CTNNA2: variants seen among roughly 807,000 people sequenced by gnomAD.
CTNNA2 encodes catenin alpha-2.
Under a neutral mutation model 101.0 loss-of-function variants are expected in CTNNA2, and 42 were observed. The ratio of observed to expected loss-of-function variants is 0.42; its 90% CI spans 0.32 to 0.54. CTNNA2 has a LOEUF of 0.54. CTNNA2 is among the 20% of genes least tolerant of loss of function. The pLI is 0.14. For missense variants in CTNNA2, 871 were observed against 1,223.1 expected, an observed-to-expected ratio of 0.71 and a Z score of 4.29; for synonymous variants, 450 against 456.4, an observed-to-expected ratio of 0.99 and a Z score of 0.18.
At chr2:80,250,424 A>C (rs1368082197) in intron 7 of CTNNA2, among the ~76,000 whole-genome samples, 2 of 152,204 alleles carry the variant, frequency 1.3e-5, no homozygotes, top group Non-Finnish European at 2.9e-5. Flanking sequence ...GAGTAAACGC[A>C]AAGATAGAAG....
At chr2:80,596,402 C>T (rs556442617) in intron 15 of CTNNA2, among the ~76,000 whole-genome samples, 160 of 144,724 alleles carry the variant, frequency 1.1e-3, no homozygotes, top group African/African-American at 3.8e-3. Context: ...CTCCACCTCC[C>T]GGGTTCATGC....
At chr2:79,729,914 A>T (rs1311883451) in intron 2 of CTNNA2, among the ~76,000 whole-genome samples, 1 of 152,168 alleles carries the variant, frequency 6.6e-6, no homozygotes, top group Non-Finnish European at 1.5e-5. Flanking sequence ...AGAAAATGTC[A>T]GTGTATGATG....
At chr2:79,297,439 A>G (rs1389133516) in intron 2 of CTNNA2, among the ~76,000 whole-genome samples, 3 of 152,152 alleles carry the variant, frequency 2.0e-5, no homozygotes, top group African/African-American at 7.2e-5. Flanking sequence ...CAAATTCTGG[A>G]AAGACCAATT....
intron 3 of CTNNA2, among the ~76,000 whole-genome samples, chr2:79,814,012 G>T (rs888210716): frequency 6.6e-6 from 1 of 151,910 alleles, no homozygotes; most frequent in Non-Finnish European, 1.5e-5. Flanking sequence ...CAGCTGCATC[G>T]CTCCAATCTC....
At chr2:79,437,481 T>C (rs1490466002) in intron 4 of CTNNA2, among the ~76,000 whole-genome samples, 1 of 152,004 alleles carries the variant, frequency 6.6e-6, no homozygotes, top group African/African-American at 2.4e-5. Flanking sequence ...CCACAGTCTC[T>C]CACTCCAGTC....
chr2:80,232,345 GTT>G (rs61454985), intron 7 of CTNNA2, among the ~76,000 whole-genome samples: 2 of 64,842 alleles, frequency 3.1e-5, no homozygotes, highest in African/African-American at 8.8e-5. Flanking sequence ...TTGTTTGTTT[GTT>G]TTTTTTTTTT....
At chr2:80,232,961 C>A (rs1437843307) in intron 7 of CTNNA2, among the ~76,000 whole-genome samples, 1 of 152,112 alleles carries the variant, frequency 6.6e-6, no homozygotes, top group Middle Eastern at 3.2e-3. Flanking sequence ...TTATTTTTTC[C>A]ATTTCACTTG....
chr2:80,426,638 C>G (rs1681020900), intron 9 of CTNNA2, among the ~76,000 whole-genome samples: 1 of 152,120 alleles, frequency 6.6e-6, no homozygotes, highest in Non-Finnish European at 1.5e-5. Flanking sequence ...CAGAGACTTC[C>G]TCTTCTTATC....
rs866475420 is a variant in CTNNA2 at position 79,858,270 on chromosome 2, C to T, written c.465+91C>T. 1.7e-5 allele frequency: 17 copies of T among 1,008,066 alleles called. No homozygotes were observed. In the African/African-American group the frequency reaches 2.6e-4, roughly 15 times the overall value. 62.4% of individuals were successfully genotyped at this position (1,008,066 alleles called of 1,614,324 possible). On this transcript the variant is annotated intron_variant, in intron 4 of 18. Coordinates refer to ENST00000402739, the MANE Select transcript of CTNNA2 (RefSeq NM_001282597.3). ...GCTCTGGCCTCTACTCTAGATGTTT[C>T]ATTGCTCACCAGATCAGTTCATTAC...
intron 2 of CTNNA2, among the ~76,000 whole-genome samples, chr2:79,736,810 G>T (rs1417226283): frequency 6.6e-6 from 1 of 152,146 alleles, no homozygotes; most frequent in Non-Finnish European, 1.5e-5. Flanking sequence ...AAGTGCACAA[G>T]TCTTTAGGCA....
chr2:79,872,153 A>G (rs1229403945), intron 5 of CTNNA2, among the ~76,000 whole-genome samples: 2 of 152,152 alleles, frequency 1.3e-5, no homozygotes, highest in Non-Finnish European at 2.9e-5. Context: ...TTTTTAATTT[A>G]TCTTATAAAT....
chr2:79,389,858 T>G (rs2104470978), intron 4 of CTNNA2, among the ~76,000 whole-genome samples: 2 of 152,340 alleles, frequency 1.3e-5, no homozygotes, highest in South Asian at 4.1e-4. Context: ...ATCAATGGTA[T>G]GCCTTCTATT....
At chr2:80,073,706 A>G (rs1044379485) in intron 7 of CTNNA2, among the ~76,000 whole-genome samples, 2 of 148,380 alleles carry the variant, frequency 1.3e-5, no homozygotes, top group Admixed American at 6.8e-5. Context: ...GTTTGTTCAT[A>G]AAACAAACCT....
At chr2:80,586,558 G>T (rs909806903) in intron 14 of CTNNA2, 1 of 152,136 alleles carries the variant, frequency 6.6e-6, no homozygotes, top group African/African-American at 2.4e-5. Context: ...AAGGAAAAAA[G>T]TGCATATATA....
chr2:79,413,511 G>T (rs1474969488), intron 4 of CTNNA2, among the ~76,000 whole-genome samples: 10 of 151,954 alleles, frequency 6.6e-5, no homozygotes, highest in Non-Finnish European at 1.2e-4. Context: ...TTTGAATAGT[G>T]CTGCAATAAT....
chr2:80,213,812 G>T (rs1708069647), intron 7 of CTNNA2, among the ~76,000 whole-genome samples: 1 of 152,050 alleles, frequency 6.6e-6, no homozygotes, highest in Admixed American at 6.6e-5. Flanking sequence ...TTGACAGTGG[G>T]GTGTTAAAGT....
At chr2:79,476,172 G>A (rs192159860) in intron 4 of CTNNA2, among the ~76,000 whole-genome samples, 180 of 152,286 alleles carry the variant, frequency 1.2e-3, no homozygotes, top group African/African-American at 4.2e-3. Flanking sequence ...ATGTGAAGTG[G>A]AGATGGCAGG....
chr2:79,601,444 T>C (rs548459854), intron 1 of CTNNA2, among the ~76,000 whole-genome samples: 1 of 152,354 alleles, frequency 6.6e-6, no homozygotes, highest in South Asian at 2.1e-4. Context: ...GCTCTCATAC[T>C]CTGCAACTGG....
At chr2:79,748,487 T>C (rs923435591) in intron 3 of CTNNA2, among the ~76,000 whole-genome samples, 15 of 152,204 alleles carry the variant, frequency 9.9e-5, no homozygotes, top group African/African-American at 3.4e-4. Context: ...TCTGTTAGTT[T>C]TACTATTGCA....
Sources: gnomAD v4.1 joint callset for allele counts (sites outside exome capture counted in the v4.1 genomes callset) on GRCh38, gnomAD v4.1.1 for gene constraint, MANE v1.5 for transcripts, NCBI Gene and HGNC (gene_info 2026-07-23, HGNC 2026-07-21) for gene names.